Variants in CNGA1 observed in about 807,000 individuals in gnomAD.
CNGA1 encodes the protein cyclic nucleotide gated channel subunit alpha 1, also known as cyclic nucleotide-gated channel alpha-1.
CNGA1 carries 53 observed loss-of-function variants against 69.7 expected under a neutral mutation model. The observed-to-expected ratio is 0.76, with a 90% CI of 0.61 to 0.96. The LOEUF (loss-of-function observed/expected upper bound fraction) is 0.96, where lower values mean the gene tolerates loss of function less well. CNGA1 is among the 40% of genes least tolerant of loss of function. The probability of loss-of-function intolerance (pLI) is 0.00; values close to 1 mark genes in which losing one functional copy is unlikely to be tolerated. For missense variants in CNGA1, 739 were observed against 811.2 expected, an observed-to-expected ratio of 0.91 and a Z score of 1.08; for synonymous variants, 249 against 283.5, an observed-to-expected ratio of 0.88 and a Z score of 1.22.
intron 2 of CNGA1, among the ~76,000 whole-genome samples, chr4:47,989,847 C>G (rs528924240): frequency 5.3e-5 from 8 of 151,710 alleles, no homozygotes; most frequent in Admixed American, 4.6e-4. Flanking sequence ...ATTCTTATTG[C>G]GGGAAGTCAA....
chr4:47,949,711 C>T (rs1410525288), intron 6 of CNGA1, 122 bp downstream of exon 6: 15 of 694,492 alleles, frequency 2.2e-5, no homozygotes, highest in Non-Finnish European at 2.7e-5. Context: ...ACTATCATTG[C>T]CATTGTATTA....
chr4:48,009,517 T>C lies in CNGA1; in HGVS notation c.-123+1277A>G, dbSNP rs150852118. ...TAAATCATGTAAACTTGAAAAAGCA[T>C]TGGACAGCCACGCACAGTGGCTCAT... On this transcript the variant is annotated intron_variant, in intron 2 of 10. Coordinates refer to ENST00000514170, the MANE Select transcript of CNGA1 (RefSeq NM_001379270.1). 1.5e-4 allele frequency among the ~76,000 whole-genome samples: 22 copies of C among 148,154 alleles called. 1 individual carries two copies. In the East Asian group the frequency reaches 3.8e-3, roughly 26 times the overall value.
chr4:48,002,202 ATCAATT>A (rs1714690858), intron 2 of CNGA1, among the ~76,000 whole-genome samples: 1 of 152,244 alleles, frequency 6.6e-6, no homozygotes, highest in African/African-American at 2.4e-5. Flanking sequence ...AAGAGTAGAT[ATCAATT>A]AAAATTTAAA....
At chr4:48,004,045 A>G (rs1328396431) in intron 2 of CNGA1, among the ~76,000 whole-genome samples, 4 of 152,222 alleles carry the variant, frequency 2.6e-5, no homozygotes, top group Admixed American at 2.0e-4. Flanking sequence ...GTCCGCCTTC[A>G]TGTTCCATCT....
At chr4:48,013,903 A>G (rs1379718749) in intron 1 of CNGA1, among the ~76,000 whole-genome samples, 1 of 152,108 alleles carries the variant, frequency 6.6e-6, no homozygotes, top group Non-Finnish European at 1.5e-5. Flanking sequence ...ACCTCCCTAC[A>G]ATGTAGCAAC....
rs112639314 is a variant in CNGA1, at chr4:47,983,994, A to T, written c.-122-2494T>A. On this transcript the variant is annotated intron_variant, in intron 2 of 10. Transcript: ENST00000514170. Reference sequence around the variant, plus strand: ...ATATTGCATGAGACAAACTTATTTTAAAAATTGGGTTTTTTAAATCTGAAA... The same window carrying T: ...ATATTGCATGAGACAAACTTATTTTTAAAATTGGGTTTTTTAAATCTGAAA... 4.1e-3 allele frequency among the ~76,000 whole-genome samples: 625 copies of T among 152,284 alleles called. 4 individuals are homozygous for T. The highest frequency in any genetic ancestry group is 5.8e-3 in the Non-Finnish European group (395 of 68,016).
chr4:47,965,370 AC>A (rs1415141588), intron 3 of CNGA1, among the ~76,000 whole-genome samples: 1 of 152,110 alleles, frequency 6.6e-6, no homozygotes, highest in African/African-American at 2.4e-5. Context: ...AATATGGTGA[AC>A]TATATAAATA....
At chr4:48,000,446 C>T (rs321637) in intron 2 of CNGA1, among the ~76,000 whole-genome samples, 7 of 151,820 alleles carry the variant, frequency 4.6e-5, no homozygotes, top group African/African-American at 7.3e-5. Context: ...CTCGGCTCAC[C>T]GCAACCTCCG....
At chr4:48,003,118 T>G (rs1273694244) in intron 2 of CNGA1, among the ~76,000 whole-genome samples, 1 of 152,144 alleles carries the variant, frequency 6.6e-6, no homozygotes, top group East Asian at 1.9e-4. Flanking sequence ...CTGGGTTTTA[T>G]ACATTCTAGG....
At chr4:48,013,282 T>G (rs986851507) in intron 1 of CNGA1, among the ~76,000 whole-genome samples, 2 of 152,170 alleles carry the variant, frequency 1.3e-5, no homozygotes, top group Non-Finnish European at 2.9e-5. Context: ...CCCCAAAAAT[T>G]TGAGACAGGT....
At chr4:47,963,496 T>C (rs1360837491) in intron 3 of CNGA1, among the ~76,000 whole-genome samples, 9 of 152,216 alleles carry the variant, frequency 5.9e-5, no homozygotes, top group African/African-American at 9.6e-5. Context: ...TGTTCCATTG[T>C]TGGACAACTT....
intron 2 of CNGA1, among the ~76,000 whole-genome samples, chr4:47,984,070 G>A (rs1560305419): frequency 6.6e-6 from 1 of 152,100 alleles, no homozygotes; most frequent in Non-Finnish European, 1.5e-5. Flanking sequence ...CTATGTCTAG[G>A]CCTATCTGAC....
chr4:47,997,869 T>C (rs901100419), intron 2 of CNGA1, among the ~76,000 whole-genome samples: 1 of 152,208 alleles, frequency 6.6e-6, no homozygotes, highest in Admixed American at 6.5e-5. Context: ...TGACTTAAAA[T>C]GTGATTATGT....
At chr4:47,972,918 A>G (rs1186636237) in intron 3 of CNGA1, among the ~76,000 whole-genome samples, 1 of 152,194 alleles carries the variant, frequency 6.6e-6, no homozygotes, top group Non-Finnish European at 1.5e-5. Context: ...AAGCCATTTC[A>G]CAACAAATAT....
chr4:48,015,248 T>C (rs1301321850), intron 1 of CNGA1, among the ~76,000 whole-genome samples: 1 of 152,196 alleles, frequency 6.6e-6, no homozygotes, highest in Non-Finnish European at 1.5e-5. Flanking sequence ...AGGCTTGTTA[T>C]GGAAAATTGG....
intron 2 of CNGA1, among the ~76,000 whole-genome samples, chr4:48,010,059 C>T (rs904820245): frequency 6.6e-6 from 1 of 151,990 alleles, no homozygotes. Flanking sequence ...TGTTTCACAA[C>T]ACTAGGCAGT....
chr4:47,991,217 C>T (rs1261130192), intron 2 of CNGA1, among the ~76,000 whole-genome samples: 1 of 152,168 alleles, frequency 6.6e-6, no homozygotes, highest in Non-Finnish European at 1.5e-5. Context: ...ACTTTTATTT[C>T]TTTAAGGAAT....
At chr4:48,011,677 C>T (rs1018595568) in intron 1 of CNGA1, among the ~76,000 whole-genome samples, 1 of 152,140 alleles carries the variant, frequency 6.6e-6, no homozygotes, top group Non-Finnish European at 1.5e-5. Flanking sequence ...AGGCACAAGA[C>T]ATCAATTAAA....
intron 3 of CNGA1, among the ~76,000 whole-genome samples, chr4:47,967,124 G>A (rs140768918): frequency 4.8e-4 from 73 of 152,094 alleles, no homozygotes; most frequent in African/African-American, 1.3e-3. Flanking sequence ...CCAACATGGC[G>A]AAGCCCTGTG....
Sources: allele counts gnomAD v4.1 joint callset (sites outside exome capture counted in the v4.1 genomes callset), GRCh38; gene constraint gnomAD v4.1.1; transcripts MANE v1.5; gene names NCBI Gene and HGNC (gene_info 2026-07-23, HGNC 2026-07-21).